The following DSE variants were observed in gnomAD, a reference collection of about 807,000 sequenced individuals.
DSE encodes dermatan sulfate epimerase.
Under a neutral mutation model 84.4 loss-of-function variants are expected in DSE, and 36 were observed. That is an observed-to-expected ratio of 0.43 (90% CI 0.33 to 0.56). DSE has a LOEUF of 0.56. Among genes scored for constraint, DSE ranks in the 20% least tolerant of loss-of-function variants. The pLI is 0.06. For missense variants in DSE, 862 were observed against 1,169.6 expected, an observed-to-expected ratio of 0.74 and a Z score of 3.84; for synonymous variants, 410 against 430.1, an observed-to-expected ratio of 0.95 and a Z score of 0.58.
At chr6:116,341,973 G>A (rs149062193) in intron 2 of DSE, among the ~76,000 whole-genome samples, 15 of 152,172 alleles carry the variant, frequency 9.9e-5, no homozygotes, top group African/African-American at 2.2e-4. Flanking sequence ...TTGGCAATGC[G>A]GGCTCTTTTT....
rs1441750554 is a variant in DSE, at chr6:116,441,902, A to G, written c.*4557A>G. On this transcript the variant is annotated 3_prime_UTR_variant, in exon 6 of 6. Transcript: ENST00000644252. Reference sequence around the variant, plus strand: ...GATATGGTAGAGAATAGGAATAATAAAAGCTGGCCCTTGTATAGTTTATGT... The same window carrying G: ...GATATGGTAGAGAATAGGAATAATAGAAGCTGGCCCTTGTATAGTTTATGT... 1.3e-5 allele frequency: 2 copies of G among 152,196 alleles called. No individual in the cohort carries two copies. Among genetic ancestry groups the G allele is most frequent in the Non-Finnish European group, 2.9e-5 (2 of 68,034 alleles). 9.4% of individuals were successfully genotyped at this position (152,196 alleles called of 1,614,324 possible). A position where few individuals can be genotyped will look rare whatever the true frequency, so the allele number is the denominator to read the frequency against.
At position 116,442,406 on chromosome 6, in the gene DSE, T is replaced by C. The variant is rs1456649761; in HGVS notation, c.*5061T>C. 2 of 152,236 alleles carry C rather than the reference T, an allele frequency of 1.3e-5. No individual in the cohort carries two copies. The highest frequency in any genetic ancestry group is 2.1e-4 in the South Asian group (1 of 4,824). 9.4% of individuals were successfully genotyped at this position (152,236 alleles called of 1,614,324 possible). A position where few individuals can be genotyped will look rare whatever the true frequency, so the allele number is the denominator to read the frequency against. ...TAGCCATGTTAAGTTTAAGATACTTTCTAAAAATCCAAGTGGAGATGTACC... is the reference window on the plus strand; with the variant it reads ...TAGCCATGTTAAGTTTAAGATACTTCCTAAAAATCCAAGTGGAGATGTACC... On this transcript the variant is annotated 3_prime_UTR_variant, in exon 6 of 6. Coordinates refer to ENST00000644252, the MANE Select transcript of DSE (RefSeq NM_013352.4).
chr6:116,354,941 G>A (rs1336339416), intron 2 of DSE, among the ~76,000 whole-genome samples: 2 of 152,026 alleles, frequency 1.3e-5, no homozygotes, highest in African/African-American at 2.4e-5. Flanking sequence ...ATGGAAATAC[G>A]CCAAATTTGA....
intron 2 of DSE, among the ~76,000 whole-genome samples, chr6:116,291,724 A>G (rs1352609025): frequency 1.3e-5 from 2 of 152,150 alleles, no homozygotes; most frequent in East Asian, 3.8e-4. Flanking sequence ...TTATATGATT[A>G]AAGGCTGGGA....
At chr6:116,326,568 G>C (rs1776634334) in intron 2 of DSE, among the ~76,000 whole-genome samples, 1 of 152,156 alleles carries the variant, frequency 6.6e-6, no homozygotes, top group South Asian at 2.1e-4. Flanking sequence ...GGCGTCTTCT[G>C]AATGGATACT....
chr6:116,255,848 A>T (rs1441560358), intron 1 of DSE: 1 of 152,272 alleles, frequency 6.6e-6, no homozygotes, highest in Non-Finnish European at 1.5e-5. Context: ...ACAAATTTAT[A>T]GAAAAGTATA....
chr6:116,364,828 CTTTTT>C (rs1211909933), intron 2 of DSE, among the ~76,000 whole-genome samples: 1 of 131,192 alleles, frequency 7.6e-6, no homozygotes, highest in Admixed American at 7.7e-5. Flanking sequence ...TTTAGTAACA[CTTTTT>C]TTTTTTTTTT....
chr6:116,266,232 C>T (rs1772622142), intron 2 of DSE, among the ~76,000 whole-genome samples: 1 of 152,244 alleles, frequency 6.6e-6, no homozygotes, highest in South Asian at 2.1e-4. Context: ...GTATACTAGT[C>T]ATCCAGGAGG....
intron 2 of DSE, among the ~76,000 whole-genome samples, chr6:116,287,069 C>T (rs1464377338): frequency 6.6e-6 from 1 of 152,010 alleles, no homozygotes; most frequent in Admixed American, 6.6e-5. Flanking sequence ...TGTTTGTTGC[C>T]TTAAAACTTT....
In DSE at chr6:116,430,996, C is replaced by G; in HGVS notation, c.713C>G (p.Thr238Ser). Residue 238 changes from threonine (T) to serine (S), a missense_variant, in exon 4 of 6, where the codon ACC (threonine) becomes AGC (serine). Physicochemically the swap from Thr to Ser is moderately conservative, Grantham distance 58 (BLOSUM62 1). This residue lies in a region of DSE where 309 missense variants were observed against 516.9 expected (regional missense o/e 0.60). Coordinates refer to ENST00000644252, the MANE Select transcript of DSE (RefSeq NM_013352.4). ...TACTTATGGACCAAACAAGTTCTGA[C>G]CATCATGGAGAAATCTCTGGTCTTG... ...EAYLWTKQVL[T>S]IMEKSLVLLR... 6.2e-7 allele frequency: 1 copy of G among 1,614,086 alleles called. No homozygotes were observed. Among genetic ancestry groups the G allele is most frequent in the Non-Finnish European group, 8.5e-7 (1 of 1,180,036 alleles).
chr6:116,353,230 A>C (rs1252137062), intron 2 of DSE, among the ~76,000 whole-genome samples: 2 of 152,114 alleles, frequency 1.3e-5, no homozygotes, highest in Non-Finnish European at 2.9e-5. Flanking sequence ...ATGACCTCTA[A>C]CTTCTGGTTC....
At chr6:116,420,912 G>A (rs533556038) in intron 2 of DSE, among the ~76,000 whole-genome samples, 9 of 152,144 alleles carry the variant, frequency 5.9e-5, no homozygotes, top group African/African-American at 1.2e-4. Flanking sequence ...AGACTTCTTC[G>A]ATTGCCAACT....
At chr6:116,421,463 A>T (rs544455382) in intron 2 of DSE, among the ~76,000 whole-genome samples, 175 of 61,332 alleles carry the variant, frequency 2.9e-3, no homozygotes, top group Admixed American at 5.7e-3. Flanking sequence ...ATATATATAT[A>T]TTTTTTTTTT....
intron 4 of DSE, among the ~76,000 whole-genome samples, chr6:116,431,610 A>G (rs1783845841): frequency 6.6e-6 from 1 of 152,158 alleles, no homozygotes; most frequent in Admixed American, 6.5e-5. Context: ...TTTTCTTTCA[A>G]ACTATACAGA....
chr6:116,331,932 GGCAACA>G (rs1362810937), intron 2 of DSE, among the ~76,000 whole-genome samples: 4 of 152,110 alleles, frequency 2.6e-5, no homozygotes, highest in Admixed American at 1.3e-4. Context: ...ACTCCAGCCT[GGCAACA>G]GAGTGAGACT....
chr6:116,260,697 A>G (rs925479366), intron 2 of DSE, among the ~76,000 whole-genome samples: 1 of 152,190 alleles, frequency 6.6e-6, no homozygotes, highest in Non-Finnish European at 1.5e-5. Context: ...ACTCTTTTGC[A>G]TATGATTAGC....
intron 2 of DSE, among the ~76,000 whole-genome samples, chr6:116,265,247 A>C (rs1772576054): frequency 6.6e-6 from 1 of 152,060 alleles, no homozygotes; most frequent in African/African-American, 2.4e-5. Context: ...GGGGTGGGTC[A>C]CTGATGGGCA....
At chr6:116,317,460 A>G (rs1374184338) in intron 2 of DSE, among the ~76,000 whole-genome samples, 11 of 152,250 alleles carry the variant, frequency 7.2e-5, no homozygotes, top group Non-Finnish European at 1.5e-4. Context: ...CTCTTTACAC[A>G]TTCTTTAACC....
intron 1 of DSE, among the ~76,000 whole-genome samples, chr6:116,373,266 G>A (rs1779720358): frequency 2.0e-5 from 3 of 152,280 alleles, no homozygotes; most frequent in South Asian, 2.1e-4. Flanking sequence ...GGGAGGCTGC[G>A]GCAGAAGAAT....
Sources: gnomAD v4.1 joint callset for allele counts (sites outside exome capture counted in the v4.1 genomes callset) on GRCh38, gnomAD v4.1.1 for gene constraint, gnomAD v4.1.1 regional missense constraint, MANE v1.5 for transcripts, NCBI Gene and HGNC (gene_info 2026-07-23, HGNC 2026-07-21) for gene names.